The following MEIS1 variants were observed in gnomAD, a reference collection of about 807,000 sequenced individuals.
The protein encoded by MEIS1 is Meis homeobox 1.
Under a neutral mutation model 50.8 loss-of-function variants are expected in MEIS1, and 5 were observed. The ratio of observed to expected loss-of-function variants is 0.10; its 90% CI spans 0.05 to 0.21. MEIS1 has a LOEUF of 0.21. MEIS1 is among the 10% of genes least tolerant of loss of function. The pLI is 1.00. For synonymous variants in MEIS1, 176 were observed against 179.3 expected (o/e 0.98, Z 0.15); for missense variants, 318 against 517.3 (o/e 0.61, Z 3.74).
intron 9 of MEIS1, among the ~76,000 whole-genome samples, chr2:66,553,863 A>G (rs569256987): frequency 4.6e-5 from 7 of 152,370 alleles, no homozygotes; most frequent in African/African-American, 1.7e-4. Flanking sequence ...CTTATGAAAG[A>G]GTACACTTTG....
chr2:66,501,344 A>T (rs1265706951), intron 7 of MEIS1, among the ~76,000 whole-genome samples: 4 of 152,144 alleles, frequency 2.6e-5, no homozygotes, highest in African/African-American at 4.8e-5. Context: ...AATAATGTAA[A>T]TGTATAGATT....
chr2:66,529,614 G>C (rs1030493412), intron 8 of MEIS1, among the ~76,000 whole-genome samples: 6 of 152,092 alleles, frequency 3.9e-5, no homozygotes, highest in African/African-American at 1.4e-4. Context: ...TTTTTAAGCT[G>C]TTTGAGGCAT....
intron 7 of MEIS1, among the ~76,000 whole-genome samples, chr2:66,498,225 C>T (rs1333775967): frequency 6.6e-6 from 1 of 152,092 alleles, no homozygotes; most frequent in Non-Finnish European, 1.5e-5. Flanking sequence ...TGAGCTAAGC[C>T]ACTGCTGCCA....
At chr2:66,490,448 A>T (rs1364798972) in intron 7 of MEIS1, among the ~76,000 whole-genome samples, 1 of 151,526 alleles carries the variant, frequency 6.6e-6, no homozygotes, top group African/African-American at 2.4e-5. Flanking sequence ...ATGGAGATAA[A>T]ATTATGTTAT....
At chr2:66,550,633 A>T in intron 9 of MEIS1, among the ~76,000 whole-genome samples, 1 of 151,954 alleles carries the variant, frequency 6.6e-6, no homozygotes, top group East Asian at 1.9e-4. Context: ...AGTAGTTGGG[A>T]ATACAGGCAT....
At chr2:66,517,468 A>G (rs1002177713) in intron 8 of MEIS1, among the ~76,000 whole-genome samples, 6 of 152,116 alleles carry the variant, frequency 3.9e-5, no homozygotes, top group Non-Finnish European at 7.3e-5. Context: ...GCTCTTTTAC[A>G]TACATAAGAA....
Position 66,441,519 on chromosome 2 carries a change from G to A in MEIS1, c.483+55G>A, listed in dbSNP as rs150783589. On this transcript the variant is annotated intron_variant, in intron 5 of 12. Coordinates refer to ENST00000272369, the MANE Select transcript of MEIS1 (RefSeq NM_002398.3). Reference sequence around the variant, plus strand: ...TTACCCCTTACCCCCAAACACACAGGGGGGAGGGTTCCGAATGGCTGAAGT... The same window carrying A: ...TTACCCCTTACCCCCAAACACACAGAGGGGAGGGTTCCGAATGGCTGAAGT... 298 of 1,411,190 alleles carry A rather than the reference G, an allele frequency of 2.1e-4. 1 individual carries two copies. Among genetic ancestry groups the A allele is most frequent in the Admixed American group, 3.2e-4 (11 of 34,354 alleles). The allele number at this position is 1,411,190 out of a possible 1,614,324, so 87.4% of individuals were successfully genotyped here. A position where few individuals can be genotyped will look rare whatever the true frequency, so the allele number is the denominator to read the frequency against.
chr2:66,469,684 G>A (rs774195659), intron 7 of MEIS1, among the ~76,000 whole-genome samples: 1 of 152,128 alleles, frequency 6.6e-6, no homozygotes, highest in Non-Finnish European at 1.5e-5. Flanking sequence ...CTTGACCTTT[G>A]CCCTTTATTG....
intron 6 of MEIS1, among the ~76,000 whole-genome samples, chr2:66,460,456 A>C (rs965906231): frequency 6.6e-6 from 1 of 152,224 alleles, no homozygotes; most frequent in Non-Finnish European, 1.5e-5. Context: ...GCTGTCAAAG[A>C]GAGAAGATAT....
intron 7 of MEIS1, among the ~76,000 whole-genome samples, chr2:66,488,693 T>C (rs1363456777): frequency 6.6e-6 from 1 of 151,964 alleles, no homozygotes; most frequent in African/African-American, 2.4e-5. Flanking sequence ...AAGAAAAAAA[T>C]CTATTGGTAA....
intron 8 of MEIS1, among the ~76,000 whole-genome samples, chr2:66,547,353 A>G (rs1674816024): frequency 6.6e-6 from 1 of 152,164 alleles, no homozygotes; most frequent in Admixed American, 6.6e-5. Flanking sequence ...GAATCTCAGC[A>G]TGTGTTGACA....
chr2:66,492,141 GA>G (rs1209210234), intron 7 of MEIS1, among the ~76,000 whole-genome samples: 1 of 150,520 alleles, frequency 6.6e-6, no homozygotes, highest in African/African-American at 2.4e-5. Context: ...AGGGGGGCTA[GA>G]GGGGGTTCCT....
At position 66,442,172 on chromosome 2, in the gene MEIS1, G is replaced by C. The variant is rs1353306540; in HGVS notation, c.483+708G>C. On this transcript the variant is annotated intron_variant, in intron 5 of 12. Coordinates refer to ENST00000272369, the MANE Select transcript of MEIS1 (RefSeq NM_002398.3). Reference sequence around the variant, plus strand: ...TAACATTAAATTGCAAGCACACTGGGGTTTCTTGTGAATTTTTGCATGTCA... The same window carrying C: ...TAACATTAAATTGCAAGCACACTGGCGTTTCTTGTGAATTTTTGCATGTCA... 3.3e-5 allele frequency among the ~76,000 whole-genome samples: 5 copies of C among 151,496 alleles called. No individual in the cohort carries two copies. In the East Asian group the frequency reaches 9.7e-4, roughly 29 times the overall value.
At chr2:66,505,130 G>C (rs959030578) in intron 7 of MEIS1, among the ~76,000 whole-genome samples, 1 of 152,116 alleles carries the variant, frequency 6.6e-6, no homozygotes, top group Non-Finnish European at 1.5e-5. Flanking sequence ...AGACCTAAGG[G>C]GTTGGCCAGA....
At position 66,448,309 on chromosome 2, in the gene MEIS1, A is replaced by G. The variant is rs577784768; in HGVS notation, c.630+5261A>G. ...TTGTCATAGTCCCAAAAGATTTAAA[A>G]CACAGCTGTGGCTGGGTGACAAGAA... is the stretch of plus-strand genomic sequence containing the variant. On this transcript the variant is annotated intron_variant, in intron 6 of 12. Transcript: ENST00000272369. Among the ~76,000 whole-genome samples, 15 of 152,342 alleles carry G rather than the reference A, an allele frequency of 9.8e-5. No homozygotes were observed. In the South Asian group the frequency reaches 3.1e-3, roughly 32 times the overall value.
At chr2:66,489,039 G>T (rs1488735415) in intron 7 of MEIS1, among the ~76,000 whole-genome samples, 4 of 152,162 alleles carry the variant, frequency 2.6e-5, no homozygotes, top group Non-Finnish European at 4.4e-5. Flanking sequence ...AACTAAATGG[G>T]ATGTATTATT....
At chr2:66,482,797 C>G (rs549329428) in intron 7 of MEIS1, among the ~76,000 whole-genome samples, 15 of 152,300 alleles carry the variant, frequency 9.8e-5, no homozygotes, top group African/African-American at 3.6e-4. Flanking sequence ...CAATGTTGCT[C>G]TCTTTAGGAG....
chr2:66,543,558 G>A (rs925524901), intron 8 of MEIS1, among the ~76,000 whole-genome samples: 3 of 152,098 alleles, frequency 2.0e-5, no homozygotes, highest in Non-Finnish European at 4.4e-5. Context: ...GGAAGGGAGG[G>A]GCCAGCTTTA....
chr2:66,571,012 A>T, intron 12 of MEIS1: 1 of 487,594 alleles, frequency 2.1e-6, no homozygotes, highest in South Asian at 2.9e-5. Context: ...ATAAGACCTC[A>T]GTAGGCGGAC....
Sources: allele counts gnomAD v4.1 joint callset (sites outside exome capture counted in the v4.1 genomes callset), GRCh38; gene constraint gnomAD v4.1.1; transcripts MANE v1.5; gene names NCBI Gene and HGNC (gene_info 2026-07-23, HGNC 2026-07-21).